Variants in WDCP observed in about 807,000 individuals in gnomAD.
WDCP encodes the protein WD repeat and coiled-coil-containing protein.
Under a neutral mutation model 41.6 loss-of-function variants are expected in WDCP, and 19 were observed. The observed-to-expected ratio is 0.46, with a 90% CI of 0.32 to 0.67. The LOEUF is 0.67. WDCP is among the 30% of genes least tolerant of loss of function. The pLI, the probability that WDCP is intolerant of heterozygous loss-of-function variation, is 0.04. For synonymous variants in WDCP, 302 were observed against 320.8 expected (o/e 0.94, Z 0.63); for missense variants, 802 against 850.7 (o/e 0.94, Z 0.71).
At chr2:24,036,321 C>T (rs945973377) in intron 2 of WDCP, among the ~76,000 whole-genome samples, 3 of 150,664 alleles carry the variant, frequency 2.0e-5, no homozygotes, top group Non-Finnish European at 4.4e-5. Flanking sequence ...GCCTAGGCAA[C>T]ATAGCAAGAT....
chr2:24,047,237 G>A (rs1041160637), intron 1 of WDCP, 77 bp downstream of exon 1: 1 of 151,490 alleles, frequency 6.6e-6, no homozygotes, highest in Non-Finnish European at 1.5e-5. Context: ...TACCCACCAA[G>A]AGCCGATCCA....
rs1162141509 is a variant in WDCP, at chr2:24,038,603, T to C, written c.892A>G (p.Asn298Asp). ...IHFNQHKSEGNSLICLRKKDY... is the reference protein window; with the variant it reads ...IHFNQHKSEGDSLICLRKKDY... ...TTTTTTCTTAGACAAATAAGAGAAT[T>C]ACCCTCAGACTTATGTTGATTGAAA... is the stretch of plus-strand genomic sequence containing the variant. The change falls in exon 2 of 4, where the codon AAT (asparagine) becomes GAT (aspartate). Residue 298 changes from asparagine to aspartate, a missense_variant. By Grantham distance (23) the Asn-to-Asp change is conservative. Coordinates refer to ENST00000295148, the MANE Select transcript of WDCP (RefSeq NM_025203.3). 1.9e-6 allele frequency: 3 copies of C among 1,614,044 alleles called. No individual in the cohort carries two copies. The highest frequency in any genetic ancestry group is 2.2e-5 in the East Asian group (1 of 44,886).
rs767972142 is a variant in WDCP, at chr2:24,038,080, C to A, written c.1415G>T (p.Cys472Phe). 1.2e-6 allele frequency: 2 copies of A among 1,614,082 alleles called. No homozygotes were observed. The highest frequency in any genetic ancestry group is 1.7e-5 in the Admixed American group (1 of 59,980). The change falls in exon 2 of 4, where the codon TGT becomes TTT. Residue 472 changes from cysteine (C) to phenylalanine (F), a missense_variant. Physicochemically the swap from Cys to Phe is radical, Grantham distance 205. This residue lies in a region of WDCP where 321 missense variants were observed against 305.1 expected (regional missense o/e 1.05). Coordinates refer to ENST00000295148, the MANE Select transcript of WDCP (RefSeq NM_025203.3). ...CAGCAACAGCCCTTTGTTTTGGTGACAAAAATCTGGGGAAAGACTTTCAAT... is the reference window on the plus strand; with the variant it reads ...CAGCAACAGCCCTTTGTTTTGGTGAAAAAAATCTGGGGAAAGACTTTCAAT... ...KLIESLSPDF[C>F]HQNKGLLLTV...
chr2:24,044,131 G>A (rs190064601), intron 1 of WDCP, among the ~76,000 whole-genome samples: 39 of 152,162 alleles, frequency 2.6e-4, no homozygotes, highest in African/African-American at 8.2e-4. Flanking sequence ...ATTCCTAATG[G>A]GCCAATTACA....
intron 2 of WDCP, among the ~76,000 whole-genome samples, chr2:24,036,085 T>C (rs927302934): frequency 2.7e-5 from 4 of 147,070 alleles, no homozygotes; most frequent in African/African-American, 1.0e-4. Flanking sequence ...AATAAATAAA[T>C]AAATAAATAA....
intron 2 of WDCP, among the ~76,000 whole-genome samples, chr2:24,036,240 A>G (rs972758815): frequency 6.6e-6 from 1 of 151,206 alleles, no homozygotes; most frequent in Non-Finnish European, 1.5e-5. Flanking sequence ...ATGCAGTGGC[A>G]CACACCTGTA....
chr2:24,030,663 T>G lies in WDCP; in HGVS notation c.*270A>C. On this transcript the variant is annotated 3_prime_UTR_variant, in exon 4 of 4. Coordinates refer to ENST00000295148, the MANE Select transcript of WDCP (RefSeq NM_025203.3). ...ACACCATCCATATGGCACCATAATATTGTTTTGTTCTGAGAATTCTGCCCT... is the reference window on the plus strand; with the variant it reads ...ACACCATCCATATGGCACCATAATAGTGTTTTGTTCTGAGAATTCTGCCCT... 1 of 380,562 alleles carries G rather than the reference T, an allele frequency of 2.6e-6. No individual in the cohort carries two copies. Among genetic ancestry groups the G allele is most frequent in the Non-Finnish European group, 4.7e-6 (1 of 211,010 alleles). The allele number at this position is 380,562 out of a possible 1,614,324, so 23.6% of individuals were successfully genotyped here.
intron 2 of WDCP, among the ~76,000 whole-genome samples, chr2:24,037,007 A>C (rs1369224819): frequency 6.6e-6 from 1 of 152,274 alleles, no homozygotes; most frequent in Non-Finnish European, 1.5e-5. Context: ...GAAATGCATC[A>C]AAACATTTTA....
intron 1 of WDCP, among the ~76,000 whole-genome samples, chr2:24,040,803 GGTT>G (rs2150952456): frequency 6.6e-6 from 1 of 152,252 alleles, no homozygotes; most frequent in African/African-American, 2.4e-5. Context: ...GATCACCTGA[GGTT>G]GGGAGTTCGA....
intron 1 of WDCP, among the ~76,000 whole-genome samples, chr2:24,044,660 A>G (rs1211430336): frequency 6.6e-6 from 1 of 152,126 alleles, no homozygotes; most frequent in African/African-American, 2.4e-5. Flanking sequence ...CGCAGTGATA[A>G]TTACAAAAAT....
rs112608137 is a variant in WDCP, at chr2:24,039,201, G to T, written c.294C>A (p.Ser98Arg). 2.4e-4 allele frequency: 390 copies of T among 1,614,216 alleles called. 1 individual carries two copies. The African/African-American group carries it at 4.6e-3, about 19-fold the overall frequency. ...CACAAGTCTGAGACGTCAGCCATTT[G>T]CTTGACTCCATAGGGCTGGGACACA... is the stretch of plus-strand genomic sequence containing the variant. Reference protein sequence around the residue: ...WQLCPSPMESSKWLTSQTCEI... With the variant: ...WQLCPSPMESRKWLTSQTCEI... The change falls in exon 2 of 4, where the codon AGC (serine) becomes AGA (arginine). Residue 98 changes from serine (S) to arginine (R), a missense_variant. Transcript: ENST00000295148.
At position 24,038,138 on chromosome 2, in the gene WDCP, C is replaced by G. The variant is rs1186630947; in HGVS notation, c.1357G>C (p.Ala453Pro). 6.2e-7 allele frequency: 1 copy of G among 1,614,078 alleles called. No homozygotes were observed. The highest frequency in any genetic ancestry group is 1.3e-5 in the African/African-American group (1 of 74,934). ...TTTCTATTTGCTTTATTTAACGGAG[C>G]ACTGAAAGTAGAGTAGGTAGTCTGG... ...ESQTTYSTFS[A>P]PLNKANRKKL... The change falls in exon 2 of 4, where the codon GCT (alanine) becomes CCT (proline). Residue 453 changes from alanine to proline, a missense_variant. Physicochemically the swap from Ala to Pro is conservative, Grantham distance 27 (BLOSUM62 -1). Transcript: ENST00000295148.
intron 1 of WDCP, among the ~76,000 whole-genome samples, chr2:24,041,340 CAA>C (rs35390594): frequency 6.3e-5 from 8 of 127,318 alleles, no homozygotes; most frequent in Admixed American, 8.2e-5. Context: ...ACTCTATCTC[CAA>C]AAAAAAAAAA....
At chr2:24,035,155 A>G (rs1449202639) in intron 2 of WDCP, among the ~76,000 whole-genome samples, 1 of 151,802 alleles carries the variant, frequency 6.6e-6, no homozygotes, top group Non-Finnish European at 1.5e-5. Context: ...TAATGGTAAA[A>G]TTTTTTTCCT....
At position 24,029,681 on chromosome 2, in the gene WDCP, AG is replaced by A. The variant is rs2150945508; in HGVS notation, c.*1251del. ...TCTTGGTAAACTGTAACAGACAGAC[AG>A]GAGTCCCCAAGGGCACAAAATAGTT... On this transcript the variant is annotated 3_prime_UTR_variant, in exon 4 of 4. Transcript: ENST00000295148. The A allele has an allele frequency of 6.6e-6, 1 of 152,384 alleles. No homozygotes were observed. The highest frequency in any genetic ancestry group is 2.1e-4 in the South Asian group (1 of 4,830). 9.4% of individuals were successfully genotyped at this position (152,384 alleles called of 1,614,324 possible).
Position 24,038,667 on chromosome 2 carries a change from A to G in WDCP, c.828T>C (p.Ser276=), listed in dbSNP as rs1484957145. Residue 276 remains serine (S), a synonymous_variant, in exon 2 of 4, where the codon TCT becomes TCC. Coordinates refer to ENST00000295148, the MANE Select transcript of WDCP (RefSeq NM_025203.3). ...DSETNSEVSV[S]SSYLEPLDLT... Reference sequence around the variant, plus strand: ...GATCCAGAGGTTCTAAATAGGAAGAAGAAACTGATACTTCAGAATTTGTTT... The same window carrying G: ...GATCCAGAGGTTCTAAATAGGAAGAGGAAACTGATACTTCAGAATTTGTTT... 6.2e-7 allele frequency: 1 copy of G among 1,614,266 alleles called. No homozygotes were observed. The highest frequency in any genetic ancestry group is 1.7e-5 in the Admixed American group (1 of 60,034).
At position 24,037,949 on chromosome 2, in the gene WDCP, C is replaced by T; in HGVS notation, c.1546G>A (p.Glu516Lys). Residue 516 changes from glutamate (E) to lysine (K), a missense_variant, in exon 2 of 4, where the codon GAG (glutamate) becomes AAG (lysine). Physicochemically the swap from Glu to Lys is moderately conservative, Grantham distance 56. Around this residue, in one of 5 missense-constraint regions of WDCP, gnomAD observed 321 missense variants for 305.1 expected, o/e 1.05. Coordinates refer to ENST00000295148, the MANE Select transcript of WDCP (RefSeq NM_025203.3). The part of the protein sequence containing the change: ...ICDGSIALDA[E>K]PVTQPASLPR... ...AGCGATGCTGGCTGGGTAACAGGCT[C>T]AGCATCTAGAGCTATGGAGCCATCA... 2 of 1,614,144 alleles carry T rather than the reference C, an allele frequency of 1.2e-6. No homozygotes were observed. The highest frequency in any genetic ancestry group is 1.6e-4 in the Middle Eastern group (1 of 6,062).
intron 1 of WDCP, among the ~76,000 whole-genome samples, chr2:24,039,858 C>G (rs1663372392): frequency 6.6e-6 from 1 of 151,896 alleles, no homozygotes; most frequent in African/African-American, 2.4e-5. Context: ...AGTGCAATGG[C>G]ACAATCTCGG....
At position 24,044,757 on chromosome 2, in the gene WDCP, T is replaced by C. The variant is rs1663557848; in HGVS notation, c.-19+2557A>G. On this transcript the variant is annotated intron_variant, in intron 1 of 3. Coordinates refer to ENST00000295148, the MANE Select transcript of WDCP (RefSeq NM_025203.3). ...GTAAAACAAGGAGAGGTCCCCTTGA[T>C]ACCAGTCTCTACTTTCCAAATGAGC... Among the ~76,000 whole-genome samples the C allele has an allele frequency of 2.7e-5, 4 of 148,416 alleles. No homozygotes were observed. In the South Asian group the frequency reaches 8.4e-4, roughly 31 times the overall value.
Sources: allele counts gnomAD v4.1 joint callset (sites outside exome capture counted in the v4.1 genomes callset), GRCh38; gene constraint gnomAD v4.1.1; regional missense constraint gnomAD v4.1.1; transcripts MANE v1.5; gene names NCBI Gene and HGNC (gene_info 2026-07-23, HGNC 2026-07-21).